PTPRD: variants seen among roughly 807,000 people sequenced by gnomAD.
The protein encoded by PTPRD is protein tyrosine phosphatase receptor type D, also known as receptor-type tyrosine-protein phosphatase delta.
Under a neutral mutation model 214.5 loss-of-function variants are expected in PTPRD, and 34 were observed. That is an observed-to-expected ratio of 0.16 (90% CI 0.12 to 0.21). The LOEUF is 0.21. PTPRD is among the 10% of genes least tolerant of loss of function. The probability of loss-of-function intolerance (pLI) is 1.00; values close to 1 mark genes in which losing one functional copy is unlikely to be tolerated. For missense variants in PTPRD, 2,545 were observed against 2,398.7 expected (o/e 1.06, Z -1.27); for synonymous variants, 1,128 against 845.7 (o/e 1.33, Z -5.79).
chr9:8,610,939 G>C (rs1423704930), intron 14 of PTPRD, among the ~76,000 whole-genome samples: 2 of 152,142 alleles, frequency 1.3e-5, no homozygotes, highest in East Asian at 3.9e-4. Context: ...TCTAAGCCTA[G>C]CTAATTACAT....
At chr9:9,342,104 C>T (rs2047035040) in intron 9 of PTPRD, among the ~76,000 whole-genome samples, 1 of 152,126 alleles carries the variant, frequency 6.6e-6, no homozygotes, top group Non-Finnish European at 1.5e-5. Flanking sequence ...CCACCACACC[C>T]AGCCAAGATT....
intron 8 of PTPRD, among the ~76,000 whole-genome samples, chr9:9,460,109 C>T (rs1264673820): frequency 6.6e-6 from 1 of 151,876 alleles, no homozygotes; most frequent in East Asian, 1.9e-4. Flanking sequence ...ACATCTTATT[C>T]AATAAATGGT....
chr9:10,443,305 T>C (rs1201958950), intron 2 of PTPRD, among the ~76,000 whole-genome samples: 3 of 151,634 alleles, frequency 2.0e-5, no homozygotes, highest in South Asian at 2.1e-4. Flanking sequence ...TAATGTCTGA[T>C]GATAAATTGG....
intron 10 of PTPRD, among the ~76,000 whole-genome samples, chr9:9,126,592 T>C (rs955872970): frequency 6.6e-6 from 1 of 152,148 alleles, no homozygotes; most frequent in Non-Finnish European, 1.5e-5. Context: ...TTAATGTGAG[T>C]TATATATACA....
intron 11 of PTPRD, among the ~76,000 whole-genome samples, chr9:8,843,216 C>A (rs1309653574): frequency 6.6e-6 from 1 of 152,182 alleles, no homozygotes; most frequent in Non-Finnish European, 1.5e-5. Context: ...TATTTGATTT[C>A]CATGGAAGTG....
At chr9:10,343,194 T>G (rs574282525) in intron 2 of PTPRD, among the ~76,000 whole-genome samples, 85 of 152,156 alleles carry the variant, frequency 5.6e-4, no homozygotes, top group African/African-American at 2.0e-3. Context: ...GATCTCCTTA[T>G]TCACTTCCCA....
rs367963082 is a variant in PTPRD at position 8,433,635 on chromosome 9, T to C, written c.4086+2957A>G. Among the ~76,000 whole-genome samples the C allele has an allele frequency of 4.6e-5, 7 of 152,248 alleles. No individual in the cohort carries two copies. In the South Asian group the frequency reaches 8.3e-4, roughly 18 times the overall value. ...AATCAAAAATTCTAAAAAGTTAATA[T>C]AATTTAAATAGAAAAACGCTTATAA... On this transcript the variant is annotated intron_variant, in intron 35 of 45. Transcript: ENST00000381196.
At chr9:8,851,056 T>G (rs2097799185) in intron 11 of PTPRD, among the ~76,000 whole-genome samples, 1 of 152,150 alleles carries the variant, frequency 6.6e-6, no homozygotes, top group African/African-American at 2.4e-5. Flanking sequence ...CTTGCCTCCA[T>G]CAATACATTT....
intron 3 of PTPRD, among the ~76,000 whole-genome samples, chr9:10,173,953 A>G (rs1159187348): frequency 6.6e-6 from 1 of 152,076 alleles, no homozygotes; most frequent in Non-Finnish European, 1.5e-5. Flanking sequence ...TTTTGAGGAA[A>G]ATTCTTTCCT....
intron 11 of PTPRD, among the ~76,000 whole-genome samples, chr9:8,828,522 T>A (rs1412898827): frequency 6.6e-6 from 1 of 152,146 alleles, no homozygotes; most frequent in African/African-American, 2.4e-5. Context: ...GTTTGTTGTT[T>A]AAGCCACCCT....
At chr9:8,429,519 C>T (rs2132075024) in intron 35 of PTPRD, among the ~76,000 whole-genome samples, 1 of 152,186 alleles carries the variant, frequency 6.6e-6, no homozygotes, top group Non-Finnish European at 1.5e-5. Context: ...CTTTATCTGT[C>T]TTACTGAGTG....
chr9:8,599,301 G>C (rs1323322189), intron 14 of PTPRD, among the ~76,000 whole-genome samples: 2 of 152,078 alleles, frequency 1.3e-5, no homozygotes, highest in Non-Finnish European at 2.9e-5. Context: ...TTTATTAGCA[G>C]CGTGGGAACA....
intron 7 of PTPRD, among the ~76,000 whole-genome samples, chr9:9,713,099 G>T (rs995297086): frequency 1.3e-5 from 2 of 151,156 alleles, no homozygotes; most frequent in Admixed American, 6.6e-5. Context: ...TATTCTACTT[G>T]GCAAATGGCC....
chr9:8,548,380 T>A (rs2080929943), intron 14 of PTPRD, among the ~76,000 whole-genome samples: 1 of 152,056 alleles, frequency 6.6e-6, no homozygotes, highest in South Asian at 2.1e-4. Flanking sequence ...ATTTTGTTTT[T>A]TTTTTGAGAG....
intron 8 of PTPRD, among the ~76,000 whole-genome samples, chr9:9,474,679 A>AG (rs1014178760): frequency 1.0e-4 from 10 of 97,876 alleles, no homozygotes; most frequent in East Asian, 7.5e-4. Context: ...ATCTATTCCT[A>AG]GGGTTTTTTT....
At chr9:10,098,520 A>G (rs2098517855) in intron 3 of PTPRD, among the ~76,000 whole-genome samples, 1 of 151,802 alleles carries the variant, frequency 6.6e-6, no homozygotes, top group East Asian at 1.9e-4. Context: ...AAAAATAAAA[A>G]TAAAAAATGC....
At chr9:10,611,085 G>A (rs2080849652) in intron 2 of PTPRD, among the ~76,000 whole-genome samples, 1 of 152,052 alleles carries the variant, frequency 6.6e-6, no homozygotes, top group South Asian at 2.1e-4. Context: ...TCTGAGATAA[G>A]TACTTTTACT....
rs72700380 is a variant in PTPRD, at chr9:8,699,902, C to A, written c.64+33878G>T. Among the ~76,000 whole-genome samples, 185 of 152,288 alleles carry A rather than the reference C, an allele frequency of 1.2e-3. 2 individuals are homozygous for A. In the East Asian group the frequency reaches 0.033, roughly 27 times the overall value. Reference sequence around the variant, plus strand: ...TGATAAGGGCAAAAACTAAACATGGCCATTTTGTAGGCCCTGATTGATTTA... The same window carrying A: ...TGATAAGGGCAAAAACTAAACATGGACATTTTGTAGGCCCTGATTGATTTA... On this transcript the variant is annotated intron_variant, in intron 12 of 45. Transcript: ENST00000381196.
At chr9:8,406,061 G>A (rs1361627286) in intron 35 of PTPRD, among the ~76,000 whole-genome samples, 4 of 152,096 alleles carry the variant, frequency 2.6e-5, no homozygotes, top group African/African-American at 9.7e-5. Context: ...CTTAGCCTGT[G>A]TTAATCTATA....
Sources: allele counts gnomAD v4.1 joint callset (sites outside exome capture counted in the v4.1 genomes callset), GRCh38; gene constraint gnomAD v4.1.1; transcripts MANE v1.5; gene names NCBI Gene and HGNC (gene_info 2026-07-23, HGNC 2026-07-21).